Variants in ACVR1C observed in about 807,000 individuals in gnomAD.
ACVR1C encodes the protein activin A receptor type 1C.
In ACVR1C, 23 loss-of-function variants were observed where a neutral mutation model predicts 57.9. That is an observed-to-expected ratio of 0.40 (90% CI 0.29 to 0.56). The LOEUF is 0.56. Among genes scored for constraint, ACVR1C ranks in the 20% least tolerant of loss-of-function variants. The pLI, the probability that ACVR1C is intolerant of heterozygous loss-of-function variation, is 0.50. For synonymous variants in ACVR1C, 214 were observed against 215.3 expected (o/e 0.99, Z 0.05); for missense variants, 480 against 607.9 (o/e 0.79, Z 2.21).
chr2:157,600,189 G>A (rs899122951), intron 1 of ACVR1C, among the ~76,000 whole-genome samples: 1 of 152,144 alleles, frequency 6.6e-6, no homozygotes, highest in Non-Finnish European at 1.5e-5. Flanking sequence ...TGAATAATCA[G>A]AGTTCATATT....
chr2:157,553,918 C>G (rs550580229), intron 3 of ACVR1C, among the ~76,000 whole-genome samples: 1 of 151,864 alleles, frequency 6.6e-6, no homozygotes, highest in Non-Finnish European at 1.5e-5. Context: ...TGCAGTGGCT[C>G]ACACCTGTAA....
At chr2:157,557,164 C>CA (rs35826956) in intron 2 of ACVR1C, among the ~76,000 whole-genome samples, 57,369 of 131,188 alleles carry the variant, frequency 0.44, 11,674 homozygotes, top group Middle Eastern at 0.52. Flanking sequence ...AATGGTGCTA[C>CA]AAAAAAAAAA....
intron 1 of ACVR1C, among the ~76,000 whole-genome samples, chr2:157,602,936 C>T (rs746337144): frequency 3.9e-5 from 6 of 152,026 alleles, no homozygotes; most frequent in Admixed American, 2.6e-4. Flanking sequence ...TTTCTTGTTC[C>T]GTCAAAGTAT....
intron 1 of ACVR1C, among the ~76,000 whole-genome samples, chr2:157,596,327 T>C (rs1467925531): frequency 6.6e-6 from 1 of 151,908 alleles, no homozygotes; most frequent in Non-Finnish European, 1.5e-5. Flanking sequence ...CCTTCATTAT[T>C]TGGGGGGTGG....
chr2:157,615,336 C>G (rs1480327780), intron 1 of ACVR1C, among the ~76,000 whole-genome samples: 1 of 147,880 alleles, frequency 6.8e-6, no homozygotes, highest in Non-Finnish European at 1.5e-5. Flanking sequence ...AAAAAAAACA[C>G]AAAAAGTAGC....
intron 4 of ACVR1C, among the ~76,000 whole-genome samples, chr2:157,545,462 T>TA (rs1337935595): frequency 6.6e-6 from 1 of 152,222 alleles, no homozygotes; most frequent in African/African-American, 2.4e-5. Flanking sequence ...AAAGTCAACA[T>TA]AACATGGTAA....
At chr2:157,582,712 C>T (rs954096952) in intron 2 of ACVR1C, among the ~76,000 whole-genome samples, 1 of 152,026 alleles carries the variant, frequency 6.6e-6, no homozygotes, top group Non-Finnish European at 1.5e-5. Flanking sequence ...ATTGGCTGTC[C>T]CATCCAGTGC....
At chr2:157,573,964 G>A (rs912260614) in intron 2 of ACVR1C, among the ~76,000 whole-genome samples, 1 of 152,106 alleles carries the variant, frequency 6.6e-6, no homozygotes, top group Non-Finnish European at 1.5e-5. Context: ...GGAACTCTAG[G>A]CCAGTGGATA....
chr2:157,549,098 G>A (rs149184900), intron 4 of ACVR1C, among the ~76,000 whole-genome samples: 19 of 152,296 alleles, frequency 1.2e-4, no homozygotes, highest in Middle Eastern at 6.8e-3. Flanking sequence ...GCTCAAGCCT[G>A]TAAATCCAGC....
intron 8 of ACVR1C, among the ~76,000 whole-genome samples, chr2:157,537,783 C>A (rs2105202525): frequency 6.6e-6 from 1 of 152,312 alleles, no homozygotes; most frequent in East Asian, 1.9e-4. Flanking sequence ...CTTTTTCCCA[C>A]CTTCTACTCT....
intron 6 of ACVR1C, among the ~76,000 whole-genome samples, chr2:157,541,653 T>A (rs940697611): frequency 3.3e-5 from 5 of 152,174 alleles, no homozygotes; most frequent in African/African-American, 1.2e-4. Context: ...GATAATCAGA[T>A]GGGCAAGGTA....
At chr2:157,590,880 C>T (rs1282427998) in intron 1 of ACVR1C, among the ~76,000 whole-genome samples, 1 of 151,906 alleles carries the variant, frequency 6.6e-6, no homozygotes, top group Admixed American at 6.6e-5. Flanking sequence ...TAATCTTAGG[C>T]ATTACTTTGT....
intron 1 of ACVR1C, among the ~76,000 whole-genome samples, chr2:157,595,163 A>C (rs1264481162): frequency 6.6e-6 from 1 of 152,228 alleles, no homozygotes; most frequent in Non-Finnish European, 1.5e-5. Flanking sequence ...TCACGACAAA[A>C]TTATTTGTGT....
chr2:157,554,272 G>GA lies in ACVR1C; in HGVS notation c.544+1820dup, dbSNP rs1491411690. 4.3e-3 allele frequency among the ~76,000 whole-genome samples: 205 copies of GA among 47,322 alleles called. 2 individuals carry two copies. Among genetic ancestry groups the GA allele is most frequent in the Middle Eastern group, 0.022 (2 of 92 alleles). The allele number at this position is 47,322 out of a possible 152,430, so 31.0% of individuals were successfully genotyped here. On this transcript the variant is annotated intron_variant, in intron 3 of 8. Coordinates refer to ENST00000243349, the MANE Select transcript of ACVR1C (RefSeq NM_145259.3). ...GAAAGAAAGAAAGAAAGAAAGAAAG[G>GA]AAGGAAGGAAGAGAGAGAGAGAGAG...
chr2:157,529,772 GA>G lies in ACVR1C; in HGVS notation c.*4145del, dbSNP rs1687315021. On this transcript the variant is annotated 3_prime_UTR_variant, in exon 9 of 9. Transcript: ENST00000243349. ...GAGGGAATATTAAGAAAAAAAGTGA[GA>G]AAAATAATGAAATATAAAGCAAGGC... 1 of 150,986 alleles carries G rather than the reference GA, an allele frequency of 6.6e-6. No homozygotes were observed. Among genetic ancestry groups the G allele is most frequent in the South Asian group, 2.1e-4 (1 of 4,760 alleles). 9.4% of individuals were successfully genotyped at this position (150,986 alleles called of 1,614,324 possible).
At chr2:157,540,776 T>C (rs1236592806) in intron 7 of ACVR1C, among the ~76,000 whole-genome samples, 1 of 152,206 alleles carries the variant, frequency 6.6e-6, no homozygotes, top group African/African-American at 2.4e-5. Context: ...ATTTAACTTA[T>C]TTGGGATATA....
chr2:157,574,247 C>T (rs1688591961), intron 2 of ACVR1C, among the ~76,000 whole-genome samples: 1 of 152,140 alleles, frequency 6.6e-6, no homozygotes, highest in African/African-American at 2.4e-5. Flanking sequence ...GATCAACATG[C>T]CAGCAGATTC....
In ACVR1C at chr2:157,626,937, A is replaced by C. The variant is rs546023009; in HGVS notation, c.73+1635T>G. Reference sequence around the variant, plus strand: ...TTAAGTGAGCGACTTTGAATGGATTATCTTTTTTTTATTTTTTGCATATTT... The same window carrying C: ...TTAAGTGAGCGACTTTGAATGGATTCTCTTTTTTTTATTTTTTGCATATTT... On this transcript the variant is annotated intron_variant, in intron 1 of 8. Coordinates refer to ENST00000243349, the MANE Select transcript of ACVR1C (RefSeq NM_145259.3). 3.1e-4 allele frequency among the ~76,000 whole-genome samples: 47 copies of C among 152,308 alleles called. No homozygotes were observed. In the South Asian group the frequency reaches 8.9e-3, roughly 29 times the overall value.
At chr2:157,593,789 T>G (rs775252992) in intron 1 of ACVR1C, among the ~76,000 whole-genome samples, 2 of 151,866 alleles carry the variant, frequency 1.3e-5, no homozygotes, top group Non-Finnish European at 2.9e-5. Flanking sequence ...TTCTTAACAG[T>G]AAGGAAAAAC....
Sources: allele counts gnomAD v4.1 joint callset (sites outside exome capture counted in the v4.1 genomes callset), GRCh38; gene constraint gnomAD v4.1.1; transcripts MANE v1.5; gene names NCBI Gene and HGNC (gene_info 2026-07-23, HGNC 2026-07-21).